PTPRM: variants seen among roughly 807,000 people sequenced by gnomAD.
PTPRM encodes the protein receptor-type tyrosine-protein phosphatase mu.
A neutral mutation model predicts 186.7 loss-of-function variants in PTPRM; 47 were observed. The observed-to-expected ratio is 0.25, with a 90% CI of 0.20 to 0.32. PTPRM has a LOEUF of 0.32. Among genes scored for constraint, PTPRM ranks in the 10% least tolerant of loss-of-function variants. PTPRM has a pLI of 1.00. For missense variants in PTPRM, 1,494 were observed against 1,865.0 expected (o/e 0.80, Z 3.66); for synonymous variants, 668 against 674.9 (o/e 0.99, Z 0.16).
chr18:7,877,689 C>G (rs190287794), intron 2 of PTPRM, among the ~76,000 whole-genome samples: 27 of 152,298 alleles, frequency 1.8e-4, no homozygotes, highest in African/African-American at 6.3e-4. Flanking sequence ...GATCCTAATT[C>G]AGGTTGTTTG....
intron 31 of PTPRM, among the ~76,000 whole-genome samples, chr18:8,389,595 T>C (rs954948794): frequency 7.2e-5 from 11 of 152,226 alleles, no homozygotes; most frequent in African/African-American, 2.7e-4. Context: ...GCCCCGCCTC[T>C]GTTCATGTGG....
At chr18:8,088,291 G>A (rs2090534212) in intron 10 of PTPRM, among the ~76,000 whole-genome samples, 1 of 91,192 alleles carries the variant, frequency 1.1e-5, no homozygotes, top group African/African-American at 4.5e-5. Flanking sequence ...AATCCCCAAT[G>A]AGTCTGGTAC....
At chr18:8,320,021 T>A (rs1161909171) in intron 22 of PTPRM, among the ~76,000 whole-genome samples, 1 of 152,120 alleles carries the variant, frequency 6.6e-6, no homozygotes, top group Non-Finnish European at 1.5e-5. Flanking sequence ...TCCTAAAGGA[T>A]GAGTCAGTGA....
rs771443299 is a variant in PTPRM, at chr18:7,774,142, A to T, written c.74-7A>T. The T allele has an allele frequency of 6.2e-7, 1 of 1,603,976 alleles. No homozygotes were observed. Among genetic ancestry groups the T allele is most frequent in the Non-Finnish European group, 8.5e-7 (1 of 1,171,792 alleles). On this transcript the variant is annotated splice_polypyrimidine_tract_variant and splice_region_variant and intron_variant, in intron 1 of 32. Transcript: ENST00000580170. Reference sequence around the variant, plus strand: ...TTTACATTACTTTTTATTCTTTTACATTTTAGGTGGCTGCCTCTTTGATGA... The same window carrying T: ...TTTACATTACTTTTTATTCTTTTACTTTTTAGGTGGCTGCCTCTTTGATGA...
At chr18:8,079,410 G>C (rs564357493) in intron 9 of PTPRM, among the ~76,000 whole-genome samples, 3 of 152,102 alleles carry the variant, frequency 2.0e-5, no homozygotes, top group Non-Finnish European at 4.4e-5. Flanking sequence ...AAGAATACTT[G>C]TAAGTGCAGA....
At chr18:7,764,001 T>C (rs893353983) in intron 1 of PTPRM, among the ~76,000 whole-genome samples, 4 of 152,104 alleles carry the variant, frequency 2.6e-5, no homozygotes, top group Admixed American at 2.6e-4. Flanking sequence ...GTAACCAGGA[T>C]TGTTTTCTAC....
intron 20 of PTPRM, among the ~76,000 whole-genome samples, chr18:8,302,555 C>G (rs765073877): frequency 6.6e-6 from 1 of 151,906 alleles, no homozygotes; most frequent in Non-Finnish European, 1.5e-5. Context: ...AAAGTAGGTT[C>G]GAAAGGGACA....
intron 22 of PTPRM, among the ~76,000 whole-genome samples, chr18:8,332,135 A>G (rs2095415128): frequency 6.6e-6 from 1 of 152,228 alleles, no homozygotes; most frequent in Non-Finnish European, 1.5e-5. Context: ...ATTTATCTTT[A>G]TTATAAAGAC....
chr18:7,955,036 T>C, intron 6 of PTPRM, 85 bp from the exon 7 acceptor site: 1 of 1,341,990 alleles, frequency 7.5e-7, no homozygotes, highest in East Asian at 2.4e-5. Context: ...TATTATCTTC[T>C]ACATTTTAAT....
intron 14 of PTPRM, among the ~76,000 whole-genome samples, chr18:8,233,571 G>GAAAA (rs2094312166): frequency 2.0e-5 from 3 of 152,084 alleles, no homozygotes; most frequent in African/African-American, 7.2e-5. Context: ...TCATTACCAG[G>GAAAA]TATGTCTTTT....
chr18:8,160,769 G>A (rs898578062), intron 14 of PTPRM, among the ~76,000 whole-genome samples: 1 of 152,186 alleles, frequency 6.6e-6, no homozygotes, highest in African/African-American at 2.4e-5. Context: ...CTCGCTGTTA[G>A]CTGTCTCACT....
chr18:7,593,763 A>T (rs1388700919), intron 1 of PTPRM, among the ~76,000 whole-genome samples: 3 of 152,192 alleles, frequency 2.0e-5, no homozygotes, highest in African/African-American at 4.8e-5. Context: ...TGGATTAATG[A>T]CATAAAGAGC....
intron 11 of PTPRM, among the ~76,000 whole-genome samples, chr18:8,096,193 C>T (rs944348379): frequency 1.3e-5 from 2 of 152,206 alleles, no homozygotes; most frequent in African/African-American, 2.4e-5. Context: ...GAAGGCATGC[C>T]AGCAGCACAC....
chr18:7,969,401 G>A (rs1323412822), intron 7 of PTPRM, among the ~76,000 whole-genome samples: 25 of 133,306 alleles, frequency 1.9e-4, no homozygotes, highest in African/African-American at 7.5e-4. Flanking sequence ...AAAAGAACTA[G>A]AAAAGCAAGA....
chr18:8,098,365 TAA>T (rs2091114240), intron 11 of PTPRM, among the ~76,000 whole-genome samples: 1 of 152,146 alleles, frequency 6.6e-6, no homozygotes, highest in Non-Finnish European at 1.5e-5. Context: ...CTAACCTAAT[TAA>T]GAGTGCAATA....
chr18:7,718,797 CAT>C (rs369408503), intron 1 of PTPRM, among the ~76,000 whole-genome samples: 84 of 152,148 alleles, frequency 5.5e-4, no homozygotes, highest in African/African-American at 1.5e-3. Context: ...AACGAACAAA[CAT>C]ATGAAAAAAT....
chr18:7,672,763 C>T (rs369906773), intron 1 of PTPRM, among the ~76,000 whole-genome samples: 7 of 152,278 alleles, frequency 4.6e-5, no homozygotes, highest in South Asian at 2.1e-4. Context: ...CTGGAGGACT[C>T]GGAGGTGAGG....
At chr18:7,815,976 G>C (rs562417326) in intron 2 of PTPRM, among the ~76,000 whole-genome samples, 1 of 152,186 alleles carries the variant, frequency 6.6e-6, no homozygotes, top group Admixed American at 6.5e-5. Context: ...CCTTTGAAGA[G>C]AGTCTAATTT....
intron 1 of PTPRM, among the ~76,000 whole-genome samples, chr18:7,715,237 A>G (rs1465129337): frequency 6.6e-6 from 1 of 152,246 alleles, no homozygotes. Context: ...CATTACATAA[A>G]CAAAACCAAT....
Sources: allele counts gnomAD v4.1 joint callset (sites outside exome capture counted in the v4.1 genomes callset), GRCh38; gene constraint gnomAD v4.1.1; transcripts MANE v1.5; gene names NCBI Gene and HGNC (gene_info 2026-07-23, HGNC 2026-07-21).